The following SEPTIN2 variants were observed in gnomAD, a reference collection of about 807,000 sequenced individuals.
SEPTIN2 encodes the protein septin-2.
A neutral mutation model predicts 46.5 loss-of-function variants in SEPTIN2; 34 were observed. That is an observed-to-expected ratio of 0.73 (90% CI 0.56 to 0.97). The LOEUF (loss-of-function observed/expected upper bound fraction) is 0.97. Among genes scored for constraint, SEPTIN2 ranks in the 50% least tolerant of loss-of-function variants. SEPTIN2 has a pLI of 0.00. For missense variants in SEPTIN2, 347 were observed against 448.4 expected (o/e 0.77, Z 2.04); for synonymous variants, 175 against 153.4 (o/e 1.14, Z -1.04).
chr2:241,333,467 C>G (rs1407904805), intron 3 of SEPTIN2, among the ~76,000 whole-genome samples: 1 of 152,186 alleles, frequency 6.6e-6, no homozygotes, highest in African/African-American at 2.4e-5. Flanking sequence ...TTGCAGTTCA[C>G]TTAAAATGCA....
intron 5 of SEPTIN2, chr2:241,336,757 C>T (rs1693693238): frequency 5.9e-6 from 1 of 170,702 alleles, no homozygotes; most frequent in African/African-American, 2.4e-5. Context: ...TGTTCTCTAC[C>T]ACCCTGTTCC....
chr2:241,325,701 G>C (rs1443732188), intron 2 of SEPTIN2, among the ~76,000 whole-genome samples: 1 of 152,000 alleles, frequency 6.6e-6, no homozygotes, highest in African/African-American at 2.4e-5. Context: ...GATGTATTAA[G>C]CATGTATCTT....
intron 7 of SEPTIN2, among the ~76,000 whole-genome samples, chr2:241,338,142 A>T (rs1193383080): frequency 6.6e-6 from 1 of 152,176 alleles, no homozygotes; most frequent in African/African-American, 2.4e-5. Flanking sequence ...CTTTACTGCA[A>T]ATGACCCATA....
chr2:241,349,358 G>T (rs915226435), intron 11 of SEPTIN2, among the ~76,000 whole-genome samples: 4 of 144,010 alleles, frequency 2.8e-5, no homozygotes, highest in Admixed American at 1.4e-4. Context: ...GAAAGAGCAA[G>T]ATCCCATCCC....
chr2:241,348,419 C>T (rs938261633), intron 11 of SEPTIN2, among the ~76,000 whole-genome samples: 14 of 151,894 alleles, frequency 9.2e-5, no homozygotes, highest in Non-Finnish European at 1.5e-4. Context: ...TTAGTAGAGA[C>T]GGGGTTTCAT....
intron 1 of SEPTIN2, among the ~76,000 whole-genome samples, chr2:241,318,041 C>T (rs1028391970): frequency 2.1e-4 from 32 of 151,228 alleles, no homozygotes; most frequent in African/African-American, 7.8e-4. Context: ...TTCAGAGGTT[C>T]ATAATTCCTC....
chr2:241,334,934 A>G (rs2079675463), intron 3 of SEPTIN2, among the ~76,000 whole-genome samples, 192 bp from the exon 4 acceptor site: 1 of 152,214 alleles, frequency 6.6e-6, no homozygotes. Context: ...TAGTACTCTG[A>G]CCTTGGGCAA....
At position 241,348,957 on chromosome 2, in the gene SEPTIN2, A is replaced by G. The variant is rs2060524895; in HGVS notation, c.984+766A>G. On this transcript the variant is annotated intron_variant, in intron 11 of 12. Coordinates refer to ENST00000391971, the MANE Select transcript of SEPTIN2 (RefSeq NM_004404.5). Reference sequence around the variant, plus strand: ...TATTGATCAAATATTTAAATGTTAAAAATAACCACAAAGTCACCTGAAGAA... The same window carrying G: ...TATTGATCAAATATTTAAATGTTAAGAATAACCACAAAGTCACCTGAAGAA... Among the ~76,000 whole-genome samples the G allele has an allele frequency of 5.3e-5, 8 of 152,246 alleles. No homozygotes were observed. In the South Asian group the frequency reaches 1.7e-3, roughly 31 times the overall value.
At position 241,352,230 on chromosome 2, in the gene SEPTIN2, C is replaced by A. The variant is rs892205123; in HGVS notation, c.*293C>A. 1 of 152,646 alleles carries A rather than the reference C, an allele frequency of 6.6e-6. No individual in the cohort carries two copies. The highest frequency in any genetic ancestry group is 1.5e-5 in the Non-Finnish European group (1 of 68,046). 9.5% of individuals were successfully genotyped at this position (152,646 alleles called of 1,614,324 possible). On this transcript the variant is annotated 3_prime_UTR_variant, in exon 13 of 13. Coordinates refer to ENST00000391971, the MANE Select transcript of SEPTIN2 (RefSeq NM_004404.5). Reference sequence around the variant, plus strand: ...GTTAGAATTGATTTCCAAGAATCGGCATGTATACTTAATACTGAATTTCTT... The same window carrying A: ...GTTAGAATTGATTTCCAAGAATCGGAATGTATACTTAATACTGAATTTCTT...
chr2:241,343,280 G>A (rs1254481340), intron 8 of SEPTIN2, among the ~76,000 whole-genome samples, 187 bp downstream of exon 8: 1 of 152,146 alleles, frequency 6.6e-6, no homozygotes, highest in East Asian at 1.9e-4. Flanking sequence ...AGATGGATCA[G>A]TTGAGGCCAG....
At chr2:241,346,860 G>T in intron 10 of SEPTIN2, among the ~76,000 whole-genome samples, 1 of 152,216 alleles carries the variant, frequency 6.6e-6, no homozygotes, top group East Asian at 1.9e-4. Context: ...TTAGGAAACT[G>T]CAGCACCTGA....
At chr2:241,347,201 G>C (rs575572701) in intron 10 of SEPTIN2, among the ~76,000 whole-genome samples, 1 of 151,986 alleles carries the variant, frequency 6.6e-6, no homozygotes, top group Non-Finnish European at 1.5e-5. Context: ...AGCTATGGTC[G>C]CACCACCACG....
intron 12 of SEPTIN2, among the ~76,000 whole-genome samples, chr2:241,350,459 C>T (rs1043996574): frequency 1.3e-5 from 2 of 151,704 alleles, no homozygotes; most frequent in Admixed American, 1.3e-4. Context: ...TATTGGGGTA[C>T]ATTTGCAGGT....
chr2:241,329,095 T>G (rs934700367), intron 3 of SEPTIN2, among the ~76,000 whole-genome samples: 1 of 151,814 alleles, frequency 6.6e-6, no homozygotes, highest in African/African-American at 2.4e-5. Context: ...ATGTAAATCT[T>G]TTGTTGTTGT....
At chr2:241,346,304 C>A in intron 10 of SEPTIN2, 55 bp downstream of exon 10, 1 of 1,392,450 alleles carries the variant, frequency 7.2e-7, no homozygotes, top group South Asian at 1.2e-5. Flanking sequence ...CACAATGTTC[C>A]TCCTCCTCTA....
At chr2:241,331,862 C>T (rs946675671) in intron 3 of SEPTIN2, among the ~76,000 whole-genome samples, 3 of 152,172 alleles carry the variant, frequency 2.0e-5, no homozygotes, top group African/African-American at 7.2e-5. Flanking sequence ...AGGGTAGATA[C>T]ACAGATCTAC....
chr2:241,349,530 C>T (rs1486722829), intron 11 of SEPTIN2, among the ~76,000 whole-genome samples: 1 of 151,972 alleles, frequency 6.6e-6, no homozygotes, highest in Non-Finnish European at 1.5e-5. Context: ...GGTTAGAAAA[C>T]TTCTCATATT....
rs570338479 is a variant in SEPTIN2, at chr2:241,328,080, A to G, written c.130+1967A>G. 1.6e-4 allele frequency among the ~76,000 whole-genome samples: 25 copies of G among 152,312 alleles called. No homozygotes were observed. In the East Asian group the frequency reaches 4.6e-3, roughly 28 times the overall value. On this transcript the variant is annotated intron_variant, in intron 3 of 12. Transcript: ENST00000391971. ...GAAAAGAAAAAAGTAGCCAGAACAA[A>G]GAAATTTATTACATACAGGGGATTG... is the stretch of plus-strand genomic sequence containing the variant.
intron 8 of SEPTIN2, among the ~76,000 whole-genome samples, chr2:241,343,513 T>G (rs1028090468): frequency 3.9e-5 from 6 of 152,114 alleles, no homozygotes; most frequent in African/African-American, 9.7e-5. Context: ...AAAAAAAAAT[T>G]TGATACAGCT....
Sources: gnomAD v4.1 joint callset for allele counts (sites outside exome capture counted in the v4.1 genomes callset) on GRCh38, gnomAD v4.1.1 for gene constraint, MANE v1.5 for transcripts, NCBI Gene and HGNC (gene_info 2026-07-23, HGNC 2026-07-21) for gene names.